Variants in FARP2 observed in about 807,000 individuals in gnomAD.
The protein encoded by FARP2 is FERM, ARHGEF and pleckstrin domain-containing protein 2.
FARP2 carries 111 observed loss-of-function variants against 130.5 expected under a neutral mutation model. The observed-to-expected ratio is 0.85, with a 90% confidence interval of 0.73 to 1.00. The LOEUF is 1.00. Ranked by LOEUF, FARP2 falls within the 50% of genes least tolerant of loss-of-function variation. FARP2 has a pLI of 0.00. For synonymous variants in FARP2, 504 were observed against 516.9 expected (o/e 0.98, Z 0.34); for missense variants, 1,385 against 1,346.3 (o/e 1.03, Z -0.45).
At chr2:241,386,954 G>A (rs1323464949) in intron 2 of FARP2, among the ~76,000 whole-genome samples, 2 of 152,132 alleles carry the variant, frequency 1.3e-5, no homozygotes, top group African/African-American at 2.4e-5. Context: ...TGTAACCAAG[G>A]TCCCCTTGCT....
At chr2:241,436,031 G>A (rs1000480204) in intron 11 of FARP2, among the ~76,000 whole-genome samples, 1 of 147,964 alleles carries the variant, frequency 6.8e-6, no homozygotes, top group South Asian at 2.1e-4. Flanking sequence ...TCTTGCCTCA[G>A]CCTCCCAAGT....
intron 21 of FARP2, among the ~76,000 whole-genome samples, chr2:241,486,256 G>A (rs563406377): frequency 6.6e-6 from 1 of 151,796 alleles, no homozygotes; most frequent in East Asian, 1.9e-4. Context: ...GACCTGCCTG[G>A]GGAACATGGC....
chr2:241,474,743 G>GA (rs1436961907), intron 18 of FARP2, among the ~76,000 whole-genome samples: 1 of 151,696 alleles, frequency 6.6e-6, no homozygotes, highest in African/African-American at 2.4e-5. Context: ...AGTGAGCCAA[G>GA]ATCGTGCCAC....
chr2:241,492,154 G>C (rs2064940212), intron 24 of FARP2, among the ~76,000 whole-genome samples: 1 of 152,150 alleles, frequency 6.6e-6, no homozygotes, highest in Non-Finnish European at 1.5e-5. Context: ...CCCCAAGCCT[G>C]CTGTCTTACT....
At chr2:241,369,319 G>T (rs991191738) in intron 1 of FARP2, among the ~76,000 whole-genome samples, 1 of 152,058 alleles carries the variant, frequency 6.6e-6, no homozygotes, top group South Asian at 2.1e-4. Flanking sequence ...ACATGAATCA[G>T]ATATATGGCT....
chr2:241,365,026 A>G (rs1349599791), intron 1 of FARP2, among the ~76,000 whole-genome samples: 1 of 152,206 alleles, frequency 6.6e-6, no homozygotes, highest in Non-Finnish European at 1.5e-5. Context: ...TCAAGGCTGT[A>G]GTTTCTTATG....
intron 19 of FARP2, 96 bp downstream of exon 19, chr2:241,476,083 A>G: frequency 1.6e-6 from 2 of 1,276,208 alleles, no homozygotes; most frequent in Middle Eastern, 2.0e-4. Flanking sequence ...TTTAAAATGT[A>G]TAATTTTGGC....
At chr2:241,366,110 T>TATATAC in intron 1 of FARP2, among the ~76,000 whole-genome samples, 1 of 55,590 alleles carries the variant, frequency 1.8e-5, no homozygotes, top group African/African-American at 6.2e-5. Context: ...AAAAAATATA[T>TATATAC]ATATATATAT....
At chr2:241,409,038 TGATAGATAGATAGATA>T (rs56030352) in intron 5 of FARP2, among the ~76,000 whole-genome samples, 18 of 146,048 alleles carry the variant, frequency 1.2e-4, no homozygotes, top group Non-Finnish European at 2.5e-4. Flanking sequence ...GATAGATAGA[TGATAGATAGATAGATA>T]GATAGATAGA....
intron 17 of FARP2, chr2:241,465,403 C>T: frequency 7.3e-7 from 1 of 1,377,662 alleles, no homozygotes; most frequent in Non-Finnish European, 1.0e-6. Flanking sequence ...GTGGGGAGGG[C>T]AGGGCCCTGG....
intron 2 of FARP2, among the ~76,000 whole-genome samples, chr2:241,378,502 C>T (rs2061592182): frequency 6.7e-6 from 1 of 148,934 alleles, no homozygotes; most frequent in Non-Finnish European, 1.5e-5. Context: ...GCCTTGACCT[C>T]CCCGGGTTCA....
chr2:241,397,410 A>C (rs1049938639), intron 2 of FARP2, among the ~76,000 whole-genome samples: 6 of 152,192 alleles, frequency 3.9e-5, no homozygotes, highest in Non-Finnish European at 5.9e-5. Context: ...GTTCTCATGA[A>C]GTATAAAGTT....
chr2:241,364,217 C>T lies in FARP2; in HGVS notation c.-25+7829C>T, dbSNP rs759079148. 5.3e-5 allele frequency among the ~76,000 whole-genome samples: 8 copies of T among 152,258 alleles called. No individual in the cohort carries two copies. In the South Asian group the frequency reaches 1.0e-3, roughly 20 times the overall value. On this transcript the variant is annotated intron_variant, in intron 1 of 26. Coordinates refer to ENST00000264042, the MANE Select transcript of FARP2 (RefSeq NM_014808.4). ...GACTGGAAGTATAAGAAGTTTTCAA[C>T]GTAACATTTCTGGCATGGAAGATGG...
chr2:241,462,006 C>A (rs1225396775), intron 14 of FARP2, among the ~76,000 whole-genome samples: 1 of 152,192 alleles, frequency 6.6e-6, no homozygotes, highest in Non-Finnish European at 1.5e-5. Flanking sequence ...GCAGAGATAG[C>A]CCTGCCAGCT....
At chr2:241,454,733 T>A (rs1001738461) in intron 13 of FARP2, among the ~76,000 whole-genome samples, 4 of 152,236 alleles carry the variant, frequency 2.6e-5, no homozygotes, top group African/African-American at 7.2e-5. Context: ...GAAGGTGTAA[T>A]AAAAGCAAAT....
At chr2:241,437,670 A>ATTTTTATT (rs1553723711) in intron 12 of FARP2, among the ~76,000 whole-genome samples, 12 of 133,112 alleles carry the variant, frequency 9.0e-5, no homozygotes, top group Non-Finnish European at 1.1e-4. Flanking sequence ...TTATTTATTT[A>ATTTTTATT]TTTTTTTTTT....
intron 2 of FARP2, among the ~76,000 whole-genome samples, chr2:241,392,804 G>A (rs1255985264): frequency 2.6e-5 from 4 of 151,876 alleles, no homozygotes; most frequent in African/African-American, 4.8e-5. Flanking sequence ...TTATCTGGGT[G>A]TGGTGATGTA....
chr2:241,494,093 C>T lies in FARP2; in HGVS notation c.3133C>T (p.Leu1045=). 1 of 1,470,024 alleles carries T rather than the reference C, an allele frequency of 6.8e-7. No homozygotes were observed. Among genetic ancestry groups the T allele is most frequent in the Non-Finnish European group, 8.9e-7 (1 of 1,118,332 alleles). 91.1% of individuals were successfully genotyped at this position (1,470,024 alleles called of 1,614,324 possible). A position where few individuals can be genotyped will look rare whatever the true frequency, so the allele number is the denominator to read the frequency against. The change falls in exon 27 of 27, where the codon CTG becomes TTG. Residue 1045 remains leucine, a synonymous_variant. Transcript: ENST00000264042. This position sits in a 1 kb window ranked among gnomAD's most constrained non-coding sequence, Gnocchi z 4.9. The part of the protein sequence containing the change: ...VQDGPQPSSG[L]EGMVRGKEE Reference sequence around the variant, plus strand: ...GGATGGCCCCCAACCCTCCTCAGGGCTGGAGGGGATGGTCAGGGGGAAGGA... The same window carrying T: ...GGATGGCCCCCAACCCTCCTCAGGGTTGGAGGGGATGGTCAGGGGGAAGGA...
chr2:241,460,318 G>T (rs1034095494), intron 14 of FARP2, among the ~76,000 whole-genome samples: 1 of 152,168 alleles, frequency 6.6e-6, no homozygotes, highest in Non-Finnish European at 1.5e-5. Flanking sequence ...GTCCGTCTCT[G>T]TTGCCCAGGC....
Sources: allele counts gnomAD v4.1 joint callset (sites outside exome capture counted in the v4.1 genomes callset), GRCh38; gene constraint gnomAD v4.1.1; non-coding constraint Gnocchi (gnomAD v3.1); transcripts MANE v1.5; gene names NCBI Gene and HGNC (gene_info 2026-07-23, HGNC 2026-07-21).